The following ADAMTS17 variants were observed in gnomAD, a reference collection of about 807,000 sequenced individuals.
ADAMTS17 encodes ADAM metallopeptidase with thrombospondin type 1 motif 17.
A neutral mutation model predicts 141.5 loss-of-function variants in ADAMTS17; 113 were observed. That is an observed-to-expected ratio of 0.80 (90% CI 0.69 to 0.93). The LOEUF is 0.93. ADAMTS17 is among the 40% of genes least tolerant of loss of function. The probability of loss-of-function intolerance (pLI) is 0.00; values close to 1 mark genes in which losing one functional copy is unlikely to be tolerated. For missense variants in ADAMTS17, 1,659 were observed against 1,517.9 expected (o/e 1.09, Z -1.54); for synonymous variants, 768 against 630.6 (o/e 1.22, Z -3.27).
intron 8 of ADAMTS17, among the ~76,000 whole-genome samples, chr15:100,166,369 C>G (rs980013177): frequency 6.6e-6 from 1 of 151,616 alleles, no homozygotes; most frequent in Non-Finnish European, 1.5e-5. Context: ...TCATCCTTTT[C>G]TATATTCCTT....
chr15:100,228,423 C>A (rs1057038941), intron 7 of ADAMTS17, among the ~76,000 whole-genome samples: 3 of 152,296 alleles, frequency 2.0e-5, no homozygotes, highest in African/African-American at 7.2e-5. Context: ...AATACTGGTA[C>A]CATACGCAAA....
chr15:100,058,334 CCCGG>C (rs2032813318), intron 15 of ADAMTS17, among the ~76,000 whole-genome samples: 3 of 152,162 alleles, frequency 2.0e-5, no homozygotes, highest in Non-Finnish European at 2.9e-5. Context: ...ACACCCCTAT[CCCGG>C]CTCTAACACC....
At chr15:100,037,619 G>A (rs1200096614) in intron 18 of ADAMTS17, among the ~76,000 whole-genome samples, 1 of 152,088 alleles carries the variant, frequency 6.6e-6, no homozygotes, top group Non-Finnish European at 1.5e-5. Context: ...ATGTTGCCCA[G>A]GTTGGTCTTG....
At chr15:99,982,487 A>G (rs546690551) in intron 20 of ADAMTS17, among the ~76,000 whole-genome samples, 1 of 152,298 alleles carries the variant, frequency 6.6e-6, no homozygotes, top group South Asian at 2.1e-4. Flanking sequence ...TCGTAACCTG[A>G]GCTGGGCCAT....
chr15:100,056,927 C>T (rs2032623791), intron 15 of ADAMTS17, among the ~76,000 whole-genome samples: 1 of 151,960 alleles, frequency 6.6e-6, no homozygotes, highest in South Asian at 2.1e-4. Context: ...GCCTCCGGGG[C>T]CTGGGAATGT....
chr15:100,235,434 G>C (rs148471914), intron 7 of ADAMTS17, among the ~76,000 whole-genome samples: 2 of 151,934 alleles, frequency 1.3e-5, no homozygotes, highest in Admixed American at 1.3e-4. Context: ...GAGCCCTCCC[G>C]TCTCTCAGGT....
In ADAMTS17 at chr15:100,059,022, T is replaced by A. The variant is rs578100601; in HGVS notation, c.2138-4968A>T. Among the ~76,000 whole-genome samples, 338 of 152,280 alleles carry A rather than the reference T, an allele frequency of 2.2e-3. 1 individual carries two copies. The highest frequency in any genetic ancestry group is 3.0e-3 in the Non-Finnish European group (207 of 68,032). On this transcript the variant is annotated intron_variant, in intron 15 of 21. Transcript: ENST00000268070. ...GTGTAAATACCCTCACCATGACAGATTTTGCTATCCACCTGGCATCAGTGA... is the reference window on the plus strand; with the variant it reads ...GTGTAAATACCCTCACCATGACAGAATTTGCTATCCACCTGGCATCAGTGA...
chr15:100,183,847 G>A (rs1410719965), intron 8 of ADAMTS17, among the ~76,000 whole-genome samples: 1 of 152,222 alleles, frequency 6.6e-6, no homozygotes, highest in African/African-American at 2.4e-5. Flanking sequence ...CAGAGGCCCT[G>A]CAATGTTATC....
intron 7 of ADAMTS17, among the ~76,000 whole-genome samples, chr15:100,207,564 T>C (rs529034174): frequency 6.6e-6 from 1 of 152,348 alleles, no homozygotes; most frequent in South Asian, 2.1e-4. Context: ...GTTCACGACA[T>C]GGTTTAATAA....
At position 99,976,118 on chromosome 15, in the gene ADAMTS17, G is replaced by C; in HGVS notation, c.3054C>G (p.Ala1018=). Residue 1018 remains alanine (A), a synonymous_variant, in exon 21 of 22, where the codon GCC becomes GCG. Coordinates refer to ENST00000268070, the MANE Select transcript of ADAMTS17 (RefSeq NM_139057.4). ...CCTCCTGGTAGCACTGTCTGTAGGG[G>C]GCAGGCTTCGAGAGGGCGGGGCACT... ...GSECPALSKP[A]PYRQCYQEVC... is the part of the protein sequence containing the mutation. 1 of 1,551,458 alleles carries C rather than the reference G, an allele frequency of 6.4e-7. No homozygotes were observed. The highest frequency in any genetic ancestry group is 1.2e-5 in the South Asian group (1 of 84,032).
chr15:100,028,171 C>T (rs2029863899), intron 18 of ADAMTS17, among the ~76,000 whole-genome samples: 1 of 152,252 alleles, frequency 6.6e-6, no homozygotes, highest in Non-Finnish European at 1.5e-5. Flanking sequence ...TGACCCACCA[C>T]CCCAATAACA....
chr15:100,194,076 T>G (rs1442765543), intron 8 of ADAMTS17, among the ~76,000 whole-genome samples: 1 of 152,216 alleles, frequency 6.6e-6, no homozygotes, highest in African/African-American at 2.4e-5. Flanking sequence ...ACCTTTTTAT[T>G]TCTCTGTATA....
chr15:100,133,746 C>T (rs942506474), intron 10 of ADAMTS17, among the ~76,000 whole-genome samples: 1 of 152,202 alleles, frequency 6.6e-6, no homozygotes, highest in African/African-American at 2.4e-5. Flanking sequence ...GAAGAGGCAA[C>T]TCTGAAGTCA....
chr15:100,173,433 A>G (rs2040229974), intron 8 of ADAMTS17, among the ~76,000 whole-genome samples: 1 of 152,130 alleles, frequency 6.6e-6, no homozygotes, highest in Non-Finnish European at 1.5e-5. Flanking sequence ...ATTTCTGCCC[A>G]TGAGGACCCC....
At chr15:100,310,362 G>C (rs1596494061) in intron 3 of ADAMTS17, among the ~76,000 whole-genome samples, 1 of 152,350 alleles carries the variant, frequency 6.6e-6, no homozygotes, top group Non-Finnish European at 1.5e-5. Flanking sequence ...GGCAGCAGTG[G>C]AAACAGTTTA....
intron 14 of ADAMTS17, among the ~76,000 whole-genome samples, chr15:100,098,217 C>G: frequency 6.6e-6 from 1 of 151,912 alleles, no homozygotes; most frequent in Non-Finnish European, 1.5e-5. Flanking sequence ...CAATGCTTTG[C>G]CGGGGCTGAC....
chr15:100,116,447 T>C (rs1364498991), intron 13 of ADAMTS17, among the ~76,000 whole-genome samples: 2 of 152,214 alleles, frequency 1.3e-5, no homozygotes, highest in South Asian at 4.1e-4. Flanking sequence ...AGAGAAGCAA[T>C]ACAGGGATCA....
chr15:100,136,677 G>A (rs1394443436), intron 10 of ADAMTS17, among the ~76,000 whole-genome samples: 2 of 152,202 alleles, frequency 1.3e-5, no homozygotes, highest in African/African-American at 2.4e-5. Context: ...TGGGTTAGAA[G>A]CACAAGACTC....
At chr15:100,079,192 T>C (rs11857581) in intron 15 of ADAMTS17, among the ~76,000 whole-genome samples, 23,701 of 152,110 alleles carry the variant, frequency 0.16, 3,562 homozygotes, top group African/African-American at 0.4. Flanking sequence ...ACCAATTCCA[T>C]TCCCAGGTAT....
Sources: allele counts gnomAD v4.1 joint callset (sites outside exome capture counted in the v4.1 genomes callset), GRCh38; gene constraint gnomAD v4.1.1; transcripts MANE v1.5; gene names NCBI Gene and HGNC (gene_info 2026-07-23, HGNC 2026-07-21).